The following SLC7A8 variants were observed in gnomAD, a reference collection of about 807,000 sequenced individuals.
SLC7A8 encodes the protein large neutral amino acids transporter small subunit 2.
A neutral mutation model predicts 51.2 loss-of-function variants in SLC7A8; 30 were observed. That is an observed-to-expected ratio of 0.59 (90% confidence interval 0.44 to 0.80). The LOEUF is 0.80. SLC7A8 is among the 30% of genes least tolerant of loss of function. SLC7A8 has a pLI of 0.00. For missense variants in SLC7A8, 612 were observed against 674.4 expected (o/e 0.91, Z 1.03); for synonymous variants, 257 against 275.8 (o/e 0.93, Z 0.67).
At chr14:23,174,553 C>T (rs945248641) in intron 1 of SLC7A8, among the ~76,000 whole-genome samples, 3 of 152,246 alleles carry the variant, frequency 2.0e-5, no homozygotes, top group African/African-American at 7.2e-5. Flanking sequence ...AAACTTCACT[C>T]ATTCTATAAA....
intron 3 of SLC7A8, among the ~76,000 whole-genome samples, chr14:23,161,818 C>T (rs549152320): frequency 0.052 from 7,873 of 150,142 alleles, 724 homozygotes; most frequent in African/African-American, 0.18. Flanking sequence ...TCCCAGCAAC[C>T]TGGAAGGCTG....
At chr14:23,143,729 C>T (rs2048765953) in intron 3 of SLC7A8, among the ~76,000 whole-genome samples, 1 of 152,164 alleles carries the variant, frequency 6.6e-6, no homozygotes, top group Admixed American at 6.5e-5. Flanking sequence ...ATGGCTTAAT[C>T]ACTTCAGCAC....
chr14:23,129,726 T>C lies in SLC7A8; in HGVS notation c.1187A>G (p.Tyr396Cys), dbSNP rs1295185243. 3 of 1,614,054 alleles carry C rather than the reference T, an allele frequency of 1.9e-6. No individual in the cohort carries two copies. The highest frequency in any genetic ancestry group is 2.5e-6 in the Non-Finnish European group (3 of 1,179,992). The part of the protein sequence containing the change: ...TLINYVGFIN[Y>C]LFYGVTVAGQ... Reference sequence around the variant, plus strand: ...AGCAACCGTGACCCCATAGAAGAGGTAGTTGATGAAGCCCACATAGTTGAT... The same window carrying C: ...AGCAACCGTGACCCCATAGAAGAGGCAGTTGATGAAGCCCACATAGTTGAT... The change falls in exon 9 of 11, where the codon TAC becomes TGC. Residue 396 changes from tyrosine to cysteine, a missense_variant. Coordinates refer to ENST00000316902, the MANE Select transcript of SLC7A8 (RefSeq NM_012244.4).
Position 23,182,813 on chromosome 14 carries a change from T to C in SLC7A8, c.102A>G (p.Val34=). The C allele has an allele frequency of 6.2e-7, 1 of 1,613,216 alleles. No individual in the cohort carries two copies. The highest frequency in any genetic ancestry group is 8.5e-7 in the Non-Finnish European group (1 of 1,179,682). ...CCAATCCGATCTCTTTCTTCAGGGC[T>C]ACTCCGCCCCCTCCGGAACCAGCCT... ...SPEAGSGGGG[V]ALKKEIGLVS... is the part of the protein sequence containing the mutation. The change falls in exon 1 of 11, where the codon GTA becomes GTG. Residue 34 remains valine, a synonymous_variant. Coordinates refer to ENST00000316902, the MANE Select transcript of SLC7A8 (RefSeq NM_012244.4).
Position 23,165,414 on chromosome 14 carries a change from C to T in SLC7A8, c.379G>A (p.Val127Met). ...TGGTTGGTGGGGTAGATCACCAGCA[C>T]AGCAATCCACAGCCTCAGGAACCTG... Reference protein sequence around the residue: ...LAGFLRLWIAVLVIYPTNQAV... With the variant: ...LAGFLRLWIAMLVIYPTNQAV... The change falls in exon 3 of 11, where the codon GTG becomes ATG. Residue 127 changes from valine to methionine, a missense_variant. By Grantham distance (21) the Val-to-Met change is conservative. Coordinates refer to ENST00000316902, the MANE Select transcript of SLC7A8 (RefSeq NM_012244.4). The surrounding 1 kb of genome is among the most constrained non-coding windows in gnomAD (Gnocchi z 4.2). 2.5e-6 allele frequency: 4 copies of T among 1,592,136 alleles called. No homozygotes were observed. The highest frequency in any genetic ancestry group is 3.4e-6 in the Non-Finnish European group (4 of 1,171,372).
rs569238992 is a variant in SLC7A8, at chr14:23,178,099, A to T, written c.151+4665T>A. On this transcript the variant is annotated intron_variant, in intron 1 of 10. Coordinates refer to ENST00000316902, the MANE Select transcript of SLC7A8 (RefSeq NM_012244.4). ...CTTTGAGCCTTTATTTCCTATCTGG[A>T]GGAAGAGGTAATAAAGTGTCTACCA... Among the ~76,000 whole-genome samples the T allele has an allele frequency of 1.4e-3, 206 of 152,300 alleles. 1 individual carries two copies. The Middle Eastern group carries it at 0.014, about 10-fold the overall frequency.
intron 3 of SLC7A8, among the ~76,000 whole-genome samples, chr14:23,151,193 A>T (rs1227278433): frequency 2.6e-5 from 4 of 152,160 alleles, no homozygotes; most frequent in Admixed American, 2.6e-4. Context: ...AGCCATAAAC[A>T]ATCCCCTGGT....
At chr14:23,182,740 T>C in intron 1 of SLC7A8, 24 bp downstream of exon 1, 5 of 1,519,532 alleles carry the variant, frequency 3.3e-6, no homozygotes, top group Non-Finnish European at 4.4e-6. Flanking sequence ...AGAGGAGGGG[T>C]CCGCGGGAAG....
intron 6 of SLC7A8, among the ~76,000 whole-genome samples, chr14:23,139,183 G>C (rs373280236): frequency 1.3e-5 from 2 of 152,110 alleles, no homozygotes; most frequent in African/African-American, 4.8e-5. Context: ...CAGGCCACGC[G>C]GTCTCTGTGG....
In SLC7A8 at chr14:23,126,969, G is replaced by A; in HGVS notation, c.*208C>T. 1 of 628,456 alleles carries A rather than the reference G, an allele frequency of 1.6e-6. No homozygotes were observed. Among genetic ancestry groups the A allele is most frequent in the East Asian group, 2.8e-5 (1 of 35,462 alleles). 38.9% of individuals were successfully genotyped at this position (628,456 alleles called of 1,614,324 possible). A position where few individuals can be genotyped will look rare whatever the true frequency, so the allele number is the denominator to read the frequency against. On this transcript the variant is annotated 3_prime_UTR_variant, in exon 11 of 11. Transcript: ENST00000316902. ...TGGGCAGCACTGGAGTGGGGCCTGG[G>A]ACATGGACCCTGGGGTGAGAGGCTG...
intron 3 of SLC7A8, among the ~76,000 whole-genome samples, chr14:23,153,665 G>C (rs915015838): frequency 6.6e-6 from 1 of 151,900 alleles, no homozygotes; most frequent in Non-Finnish European, 1.5e-5. Flanking sequence ...TTTCCCACAG[G>C]GATCTCCACC....
chr14:23,130,660 C>A (rs2048624044), intron 8 of SLC7A8, among the ~76,000 whole-genome samples: 1 of 152,216 alleles, frequency 6.6e-6, no homozygotes, highest in Non-Finnish European at 1.5e-5. Context: ...CCTTCGACAA[C>A]CAACCAGTCA....
chr14:23,181,159 A>T (rs1331341840), intron 1 of SLC7A8, among the ~76,000 whole-genome samples: 1 of 128,862 alleles, frequency 7.8e-6, no homozygotes. Flanking sequence ...CTAGAGGGGG[A>T]AAATGCTTAA....
chr14:23,168,510 C>G (rs1362622955), intron 1 of SLC7A8, among the ~76,000 whole-genome samples: 1 of 152,202 alleles, frequency 6.6e-6, no homozygotes, highest in Non-Finnish European at 1.5e-5. Flanking sequence ...TAGGGAATTT[C>G]AAAGCCAGCC....
chr14:23,157,207 A>T (rs1261971858), intron 3 of SLC7A8, among the ~76,000 whole-genome samples: 1 of 152,186 alleles, frequency 6.6e-6, no homozygotes, highest in Non-Finnish European at 1.5e-5. Context: ...TGTATCCCCA[A>T]CAAGACCATG....
chr14:23,155,138 C>G, intron 3 of SLC7A8: 5 of 1,532,762 alleles, frequency 3.3e-6, no homozygotes, highest in Non-Finnish European at 4.4e-6. Context: ...TTCCCCTTCT[C>G]CAGCCCTTTT....
chr14:23,127,093 G>A lies in SLC7A8; in HGVS notation c.*84C>T, dbSNP rs2048584078. 6.6e-7 allele frequency: 1 copy of A among 1,504,502 alleles called. No individual in the cohort carries two copies. Among genetic ancestry groups the A allele is most frequent in the South Asian group, 1.2e-5 (1 of 84,198 alleles). 93.2% of individuals were successfully genotyped at this position (1,504,502 alleles called of 1,614,324 possible). On this transcript the variant is annotated 3_prime_UTR_variant, in exon 11 of 11. Coordinates refer to ENST00000316902, the MANE Select transcript of SLC7A8 (RefSeq NM_012244.4). ...CAAAAGCAGAGAGAGGGGTGTGTGTGTACTCGCATGTGTTGGCAGGACCAA... is the reference window on the plus strand; with the variant it reads ...CAAAAGCAGAGAGAGGGGTGTGTGTATACTCGCATGTGTTGGCAGGACCAA...
intron 3 of SLC7A8, chr14:23,156,447 T>G (rs1175327772): frequency 2.0e-5 from 3 of 152,228 alleles, no homozygotes; most frequent in African/African-American, 7.2e-5. Flanking sequence ...GAGATGCCCT[T>G]TTTTCTTTCC....
At chr14:23,181,403 G>A (rs1877168978) in intron 1 of SLC7A8, among the ~76,000 whole-genome samples, 1 of 148,624 alleles carries the variant, frequency 6.7e-6, no homozygotes, top group African/African-American at 2.5e-5. Flanking sequence ...CCCAGAGTCA[G>A]GGAATCACAT....
Sources: gnomAD v4.1 joint callset for allele counts (sites outside exome capture counted in the v4.1 genomes callset) on GRCh38, gnomAD v4.1.1 for gene constraint, Gnocchi (gnomAD v3.1) non-coding constraint, MANE v1.5 for transcripts, NCBI Gene and HGNC (gene_info 2026-07-23, HGNC 2026-07-21) for gene names.